Variants in ANK3 observed in about 807,000 individuals in gnomAD.
The protein encoded by ANK3 is ankyrin 3.
In ANK3, 57 loss-of-function variants were observed where a neutral mutation model predicts 370.9. That is an observed-to-expected ratio of 0.15 (90% CI 0.12 to 0.19). The LOEUF is 0.19. ANK3 is among the 10% of genes least tolerant of loss of function. The probability of loss-of-function intolerance (pLI) is 1.00; values close to 1 mark genes in which losing one functional copy is unlikely to be tolerated. For missense variants in ANK3, 4,439 were observed against 5,302.1 expected, an observed-to-expected ratio of 0.84 and a Z score of 5.06; for synonymous variants, 1,929 against 1,946.3, an observed-to-expected ratio of 0.99 and a Z score of 0.23.
At chr10:60,389,254 A>T (rs1001897835) in intron 1 of ANK3, among the ~76,000 whole-genome samples, 171 bp downstream of exon 1, 1 of 151,978 alleles carries the variant, frequency 6.6e-6, no homozygotes, top group African/African-American at 2.4e-5. Context: ...TGCCTTGCCC[A>T]TCCTATGGCC....
intron 40 of ANK3, chr10:60,062,890 A>G (rs1426015556): frequency 3.8e-5 from 14 of 366,532 alleles, no homozygotes; most frequent in Non-Finnish European, 6.7e-5. Flanking sequence ...TTAGGCGTTC[A>G]TACGTCATGA....
chr10:60,535,101 A>G (rs1240803610), intron 2 of ANK3, among the ~76,000 whole-genome samples: 2 of 152,140 alleles, frequency 1.3e-5, no homozygotes, highest in Admixed American at 6.6e-5. Context: ...TTTTTGTGAA[A>G]CTATTCAGCA....
At chr10:60,709,335 C>CTATA (rs1252334003) in intron 1 of ANK3, among the ~76,000 whole-genome samples, 5 of 135,658 alleles carry the variant, frequency 3.7e-5, no homozygotes, top group African/African-American at 1.4e-4. Context: ...ATATCTATAT[C>CTATA]TATCTACATA....
intron 2 of ANK3, among the ~76,000 whole-genome samples, chr10:60,613,812 G>A (rs573369665): frequency 3.9e-4 from 60 of 152,208 alleles, no homozygotes; most frequent in African/African-American, 5.5e-4. Context: ...CATGGCTCAC[G>A]CCTGTAATCC....
At chr10:60,241,438 G>A (rs1258851163) in intron 7 of ANK3, among the ~76,000 whole-genome samples, 3 of 152,024 alleles carry the variant, frequency 2.0e-5, no homozygotes, top group South Asian at 4.1e-4. Context: ...TAGCATTTGG[G>A]AAGTTTCTGA....
intron 1 of ANK3, among the ~76,000 whole-genome samples, chr10:60,369,273 C>T (rs1178185267): frequency 2.0e-5 from 3 of 152,166 alleles, no homozygotes; most frequent in Non-Finnish European, 4.4e-5. Flanking sequence ...GATTCAGTGC[C>T]ACACTTTACT....
In ANK3 at chr10:60,075,051, G is replaced by A. The variant is rs748577068; in HGVS notation, c.5830C>T (p.Pro1944Ser). 6.2e-7 allele frequency: 1 copy of A among 1,613,868 alleles called. No individual in the cohort carries two copies. Among genetic ancestry groups the A allele is most frequent in the South Asian group, 1.1e-5 (1 of 91,050 alleles). ...TTTACTTTCTCTACAATTTTGAAAG[G>A]TTCTTCATCATCTATTCTCCCTTCC... Reference protein sequence around the residue: ...PKEGRIDDEEPFKIVEKVKED... With the variant: ...PKEGRIDDEESFKIVEKVKED... Residue 1944 changes from proline to serine, a missense_variant, in exon 37 of 44, where the codon CCT becomes TCT. By Grantham distance (74) the Pro-to-Ser change is moderately conservative. Coordinates refer to ENST00000280772, the MANE Select transcript of ANK3 (RefSeq NM_020987.5).
intron 28 of ANK3, among the ~76,000 whole-genome samples, chr10:60,104,851 T>C (rs906763043): frequency 6.6e-6 from 1 of 152,212 alleles, no homozygotes; most frequent in African/African-American, 2.4e-5. Flanking sequence ...CTCACATAAT[T>C]ATTTTATTTA....
intron 2 of ANK3, among the ~76,000 whole-genome samples, chr10:60,586,359 C>A (rs909385263): frequency 1.3e-5 from 2 of 152,140 alleles, no homozygotes; most frequent in African/African-American, 4.8e-5. Flanking sequence ...TAATGTATAC[C>A]CAACAGTAGC....
chr10:60,642,816 G>C (rs2078654971), intron 1 of ANK3, among the ~76,000 whole-genome samples: 1 of 151,996 alleles, frequency 6.6e-6, no homozygotes, highest in African/African-American at 2.4e-5. Context: ...TTATAATAAG[G>C]AGTTAATTTA....
chr10:60,566,355 T>C (rs1325024072), intron 2 of ANK3, among the ~76,000 whole-genome samples: 1 of 152,148 alleles, frequency 6.6e-6, no homozygotes, highest in African/African-American at 2.4e-5. Flanking sequence ...CATCTTCCAC[T>C]TTAAAGCAAA....
intron 2 of ANK3, among the ~76,000 whole-genome samples, chr10:60,511,930 C>T (rs1200703190): frequency 2.0e-5 from 3 of 151,838 alleles, no homozygotes; most frequent in Non-Finnish European, 4.4e-5. Flanking sequence ...TTGATGTAAA[C>T]ATTGAGTCAA....
chr10:60,442,081 A>G (rs1451911899), intron 2 of ANK3, among the ~76,000 whole-genome samples: 1 of 148,920 alleles, frequency 6.7e-6, no homozygotes, highest in Non-Finnish European at 1.5e-5. Context: ...TAATCTATAC[A>G]CATCCTCCCA....
chr10:60,291,349 T>C (rs1234994513), intron 1 of ANK3, among the ~76,000 whole-genome samples: 1 of 152,202 alleles, frequency 6.6e-6, no homozygotes, highest in East Asian at 1.9e-4. Context: ...ACATTTTGTC[T>C]TGATTTGCAC....
At chr10:60,082,509 A>G in intron 34 of ANK3, 106 bp downstream of exon 34, 1 of 1,438,700 alleles carries the variant, frequency 7.0e-7, no homozygotes, top group Non-Finnish European at 9.3e-7. Context: ...ATACAACTTC[A>G]GTTTCAAGAG....
chr10:60,449,346 C>T (rs535968059), intron 2 of ANK3, among the ~76,000 whole-genome samples: 22 of 152,000 alleles, frequency 1.4e-4, no homozygotes, highest in Non-Finnish European at 2.8e-4. Context: ...TTTTGCACAA[C>T]AAATGTTTGA....
chr10:60,330,446 C>A (rs1292681993), intron 1 of ANK3, among the ~76,000 whole-genome samples: 1 of 151,558 alleles, frequency 6.6e-6, no homozygotes, highest in African/African-American at 2.4e-5. Context: ...GAAAATAAAT[C>A]AAAAAGCAGG....
At chr10:60,134,880 T>G (rs2094261783) in intron 24 of ANK3, among the ~76,000 whole-genome samples, 1 of 152,256 alleles carries the variant, frequency 6.6e-6, no homozygotes, top group South Asian at 2.1e-4. Context: ...GTGTTATGAA[T>G]ACACTTTGCA....
In ANK3 at chr10:60,055,893, T is replaced by G; in HGVS notation, c.12830A>C (p.Gln4277Pro). 6.2e-7 allele frequency: 1 copy of G among 1,614,220 alleles called. No individual in the cohort carries two copies. Among genetic ancestry groups the G allele is most frequent in the Non-Finnish European group, 8.5e-7 (1 of 1,180,032 alleles). Residue 4277 changes from glutamine to proline, a missense_variant, in exon 42 of 44, where the codon CAG becomes CCG. Gln to Pro is a moderately conservative substitution (Grantham distance 76). Coordinates refer to ENST00000280772, the MANE Select transcript of ANK3 (RefSeq NM_020987.5). ...FPESQNDVGK[Q>P]STKETLKPKI... is the part of the protein sequence containing the mutation. ...TGGTTTCAGAGTTTCCTTGGTACTC[T>G]GTTTTCCTACATCATTTTGGGATTC...
Sources: allele counts gnomAD v4.1 joint callset (sites outside exome capture counted in the v4.1 genomes callset), GRCh38; gene constraint gnomAD v4.1.1; transcripts MANE v1.5; gene names NCBI Gene and HGNC (gene_info 2026-07-23, HGNC 2026-07-21).